The following ENOX1 variants were observed in gnomAD, a reference collection of about 807,000 sequenced individuals.
ENOX1 encodes candidate growth-related and time keeping constitutive hydroquinone (NADH) oxidase.
A neutral mutation model predicts 82.5 loss-of-function variants in ENOX1; 42 were observed. The observed-to-expected ratio is 0.51, with a 90% confidence interval of 0.40 to 0.66. The LOEUF is 0.66. Among genes scored for constraint, ENOX1 ranks in the 30% least tolerant of loss-of-function variants. The pLI is 0.00. For missense variants in ENOX1, 608 were observed against 811.6 expected, an observed-to-expected ratio of 0.75 and a Z score of 3.05; for synonymous variants, 271 against 282.2, an observed-to-expected ratio of 0.96 and a Z score of 0.40.
At chr13:43,618,209 GCTAA>G (rs756798349) in intron 2 of ENOX1, among the ~76,000 whole-genome samples, 7 of 152,116 alleles carry the variant, frequency 4.6e-5, no homozygotes, top group Non-Finnish European at 1.0e-4. Flanking sequence ...TGTTTACTTT[GCTAA>G]CTGTTCCTTT....
intron 7 of ENOX1, among the ~76,000 whole-genome samples, chr13:43,357,189 G>A (rs2050210783): frequency 6.6e-6 from 1 of 152,150 alleles, no homozygotes; most frequent in Non-Finnish European, 1.5e-5. Context: ...AGCAACATAA[G>A]CACTTTTCCA....
intron 14 of ENOX1, among the ~76,000 whole-genome samples, chr13:43,250,473 C>A (rs145088486): frequency 1.3e-5 from 2 of 152,196 alleles, no homozygotes; most frequent in Non-Finnish European, 2.9e-5. Flanking sequence ...TTGTTAGGAG[C>A]GGCTAGTTAT....
intron 2 of ENOX1, among the ~76,000 whole-genome samples, chr13:43,661,587 G>A (rs969084717): frequency 1.3e-5 from 2 of 152,164 alleles, no homozygotes; most frequent in Non-Finnish European, 2.9e-5. Flanking sequence ...AGGGCAGGAA[G>A]TCTGGTCACA....
At chr13:43,591,043 T>C (rs1041751768) in intron 2 of ENOX1, among the ~76,000 whole-genome samples, 1 of 152,168 alleles carries the variant, frequency 6.6e-6, no homozygotes, top group Non-Finnish European at 1.5e-5. Context: ...CAGGTGGGAA[T>C]TTAAACTTAA....
chr13:43,361,127 T>G (rs1016327783), intron 6 of ENOX1, 152 bp downstream of exon 6: 23 of 719,770 alleles, frequency 3.2e-5, no homozygotes, highest in Admixed American at 2.6e-4. Flanking sequence ...GTATATTTAT[T>G]GTAACCTAGA....
intron 5 of ENOX1, among the ~76,000 whole-genome samples, chr13:43,383,523 A>G (rs1423271029): frequency 1.3e-5 from 2 of 152,224 alleles, no homozygotes; most frequent in Non-Finnish European, 2.9e-5. Flanking sequence ...TGCAATCCAT[A>G]GGAAATCCAT....
intron 3 of ENOX1, among the ~76,000 whole-genome samples, chr13:43,460,793 CAAAAAAAAAAAAAAAA>C (rs1312983530): frequency 7.8e-5 from 2 of 25,728 alleles, no homozygotes; most frequent in Admixed American, 6.9e-4. Context: ...GACTCCATCT[CAAAAAAAAAAAAAAAA>C]AAAAAAAAAA....
chr13:43,545,465 A>C (rs1347648184), intron 2 of ENOX1: 3 of 152,182 alleles, frequency 2.0e-5, no homozygotes. Flanking sequence ...CCCGGGGTGG[A>C]GGCAGTGTTA....
At chr13:43,771,930 CTAATTT>C (rs1353305962) in intron 1 of ENOX1, among the ~76,000 whole-genome samples, 1 of 113,518 alleles carries the variant, frequency 8.8e-6, no homozygotes, top group Non-Finnish European at 1.8e-5. Flanking sequence ...CCACGCCCGG[CTAATTT>C]TTTTTTTTTT....
At chr13:43,331,842 G>A (rs2048424991) in intron 9 of ENOX1, among the ~76,000 whole-genome samples, 1 of 152,170 alleles carries the variant, frequency 6.6e-6, no homozygotes, top group Admixed American at 6.5e-5. Context: ...CTATAAAAGA[G>A]ATTCCCAGAC....
At chr13:43,549,424 T>A (rs1378426812) in intron 2 of ENOX1, among the ~76,000 whole-genome samples, 1 of 152,184 alleles carries the variant, frequency 6.6e-6, no homozygotes, top group African/African-American at 2.4e-5. Flanking sequence ...AAATAACTCA[T>A]TAGGAAGCAC....
At chr13:43,348,724 C>T (rs527250128) in intron 8 of ENOX1, among the ~76,000 whole-genome samples, 286 of 152,326 alleles carry the variant, frequency 1.9e-3, no homozygotes, top group African/African-American at 6.6e-3. Flanking sequence ...TGTAATGGTA[C>T]AGCAGTGTTT....
chr13:43,282,914 C>A (rs953392210), intron 12 of ENOX1, among the ~76,000 whole-genome samples: 2 of 151,746 alleles, frequency 1.3e-5, no homozygotes, highest in South Asian at 2.1e-4. Flanking sequence ...AATATGGTGA[C>A]ATGCCATCTC....
chr13:43,389,209 T>C (rs888409197), intron 5 of ENOX1, among the ~76,000 whole-genome samples: 2 of 152,212 alleles, frequency 1.3e-5, no homozygotes, highest in Non-Finnish European at 2.9e-5. Flanking sequence ...TCTGTTGACC[T>C]GGCAATTGAC....
chr13:43,327,220 C>T (rs552491521), intron 9 of ENOX1, among the ~76,000 whole-genome samples: 6 of 152,300 alleles, frequency 3.9e-5, no homozygotes, highest in Admixed American at 1.3e-4. Flanking sequence ...GCATGCAGGT[C>T]TTATTTCAAC....
intron 1 of ENOX1, among the ~76,000 whole-genome samples, chr13:43,683,802 G>A (rs1336089541): frequency 1.3e-5 from 2 of 151,982 alleles, no homozygotes; most frequent in East Asian, 1.9e-4. Context: ...GTAGAGGGGT[G>A]GTTATTTCAC....
intron 1 of ENOX1, among the ~76,000 whole-genome samples, chr13:43,754,411 C>A (rs1403571959): frequency 2.0e-5 from 3 of 150,286 alleles, no homozygotes; most frequent in African/African-American, 7.4e-5. Context: ...CGGCTCACTG[C>A]AACCCCCACC....
intron 1 of ENOX1, among the ~76,000 whole-genome samples, chr13:43,744,730 T>C (rs1443702290): frequency 6.6e-6 from 1 of 152,226 alleles, no homozygotes; most frequent in African/African-American, 2.4e-5. Context: ...GGTTTGGCTT[T>C]CCAGCTATTA....
At position 43,363,016 on chromosome 13, in the gene ENOX1, T is replaced by C. The variant is rs1486557421; in HGVS notation, c.209-1564A>G. ...ATTCTAGGTACTTCCTCTACAATTA[T>C]GGCTCTCAGTTTCTTCATCTGTAAT... On this transcript the variant is annotated intron_variant, in intron 5 of 16. Transcript: ENST00000690772. 3.9e-5 allele frequency among the ~76,000 whole-genome samples: 6 copies of C among 152,328 alleles called. No homozygotes were observed. In the East Asian group the frequency reaches 9.7e-4, roughly 25 times the overall value.
Sources: gnomAD v4.1 joint callset for allele counts (sites outside exome capture counted in the v4.1 genomes callset) on GRCh38, gnomAD v4.1.1 for gene constraint, MANE v1.5 for transcripts, NCBI Gene and HGNC (gene_info 2026-07-23, HGNC 2026-07-21) for gene names.